The following WDPCP variants were observed in gnomAD, a reference collection of about 807,000 sequenced individuals.
The protein encoded by WDPCP is WD repeat containing planar cell polarity effector.
Under a neutral mutation model 93.1 loss-of-function variants are expected in WDPCP, and 71 were observed. That is an observed-to-expected ratio of 0.76 (90% CI 0.63 to 0.93). The LOEUF (loss-of-function observed/expected upper bound fraction) is 0.93. Among genes scored for constraint, WDPCP ranks in the 40% least tolerant of loss-of-function variants. WDPCP has a pLI of 0.00. For synonymous variants in WDPCP, 315 were observed against 315.0 expected (o/e 1.00, Z 0.00); for missense variants, 844 against 887.4 (o/e 0.95, Z 0.62).
chr2:63,710,507 C>G (rs779205294), intron 2 of WDPCP, among the ~76,000 whole-genome samples: 8 of 152,214 alleles, frequency 5.3e-5, no homozygotes, highest in Non-Finnish European at 1.0e-4. Flanking sequence ...CTCTCAATTG[C>G]ACACATAGAG....
intron 1 of WDPCP, among the ~76,000 whole-genome samples, chr2:63,530,702 T>C (rs909977685): frequency 6.6e-6 from 1 of 152,134 alleles, no homozygotes; most frequent in African/African-American, 2.4e-5. Flanking sequence ...AAATTGTTGG[T>C]TTGAAAATAT....
chr2:63,698,554 G>T (rs1342927220), intron 2 of WDPCP, among the ~76,000 whole-genome samples: 1 of 152,170 alleles, frequency 6.6e-6, no homozygotes, highest in Non-Finnish European at 1.5e-5. Context: ...GAGGCTGGAG[G>T]GGATGCCTAT....
chr2:63,454,363 G>A (rs1698483502), intron 6 of WDPCP, among the ~76,000 whole-genome samples: 1 of 151,634 alleles, frequency 6.6e-6, no homozygotes, highest in African/African-American at 2.4e-5. Flanking sequence ...GGGGGTGGGG[G>A]ACTGAGGGAG....
intron 13 of WDPCP, among the ~76,000 whole-genome samples, chr2:63,304,642 C>A (rs1685581797): frequency 6.6e-6 from 1 of 152,118 alleles, no homozygotes; most frequent in African/African-American, 2.4e-5. Context: ...ACCACCAGGG[C>A]CCTGGGTTTC....
chr2:63,269,208 T>C (rs1682420575), intron 13 of WDPCP, among the ~76,000 whole-genome samples: 1 of 152,216 alleles, frequency 6.6e-6, no homozygotes, highest in South Asian at 2.1e-4. Context: ...ATAAAAGTGT[T>C]ACTAACTTGG....
chr2:63,292,884 T>G (rs1559290364), intron 13 of WDPCP, among the ~76,000 whole-genome samples: 3 of 152,226 alleles, frequency 2.0e-5, no homozygotes, highest in African/African-American at 7.2e-5. Context: ...CAGTTAATTT[T>G]CAATTTCAGC....
intron 2 of WDPCP, among the ~76,000 whole-genome samples, chr2:63,801,518 G>A (rs748886522): frequency 2.0e-5 from 3 of 152,140 alleles, no homozygotes; most frequent in Non-Finnish European, 2.9e-5. Context: ...TGTTGGCTGG[G>A]GTGGCCAGCT....
intron 2 of WDPCP, among the ~76,000 whole-genome samples, chr2:63,806,547 C>G (rs1020523621): frequency 6.6e-6 from 1 of 152,126 alleles, no homozygotes; most frequent in Non-Finnish European, 1.5e-5. Context: ...TGAGATCAAC[C>G]GGTCTGACCA....
intron 1 of WDPCP, among the ~76,000 whole-genome samples, chr2:63,825,424 A>G (rs2104147895): frequency 6.6e-6 from 1 of 152,196 alleles, no homozygotes; most frequent in South Asian, 2.1e-4. Context: ...TTCAAGCTTC[A>G]TAGGATAATA....
At chr2:63,805,381 A>G (rs535975208) in intron 2 of WDPCP, among the ~76,000 whole-genome samples, 1 of 152,306 alleles carries the variant, frequency 6.6e-6, no homozygotes, top group East Asian at 1.9e-4. Context: ...TAGGGCTGAG[A>G]GCTAAATGAG....
chr2:63,395,571 C>T (rs994794552), intron 10 of WDPCP, among the ~76,000 whole-genome samples: 1 of 152,084 alleles, frequency 6.6e-6, no homozygotes, highest in Non-Finnish European at 1.5e-5. Flanking sequence ...CAAATATAAT[C>T]TATAATAATG....
rs538774760 is a variant in WDPCP at position 63,216,012 on chromosome 2, A to G, written c.1916-41180T>C. On this transcript the variant is annotated intron_variant, in intron 14 of 17. Coordinates refer to ENST00000272321, the MANE Select transcript of WDPCP (RefSeq NM_015910.7). ...CAAATCAAAACCACAATGAGATACCATCTCACACCAGTTAGAATGGCGATC... is the reference window on the plus strand; with the variant it reads ...CAAATCAAAACCACAATGAGATACCGTCTCACACCAGTTAGAATGGCGATC... Among the ~76,000 whole-genome samples the G allele has an allele frequency of 2.6e-3, 402 of 152,356 alleles. 2 individuals carry two copies. The highest frequency in any genetic ancestry group is 4.1e-3 in the Non-Finnish European group (279 of 68,036).
At chr2:63,510,605 T>G (rs953275115) in intron 1 of WDPCP, among the ~76,000 whole-genome samples, 1 of 152,098 alleles carries the variant, frequency 6.6e-6, no homozygotes, top group Non-Finnish European at 1.5e-5. Context: ...AAGAAAGAAA[T>G]AAAGCGTATT....
intron 12 of WDPCP, among the ~76,000 whole-genome samples, chr2:63,339,741 G>A (rs557284160): frequency 6.6e-6 from 1 of 152,126 alleles, no homozygotes; most frequent in South Asian, 2.1e-4. Context: ...GAATAAAAGT[G>A]GTGAAAAGTG....
intron 2 of WDPCP, among the ~76,000 whole-genome samples, chr2:63,747,272 CAT>C (rs1320615521): frequency 5.9e-5 from 9 of 152,126 alleles, no homozygotes; most frequent in Non-Finnish European, 1.2e-4. Context: ...TGATCTGAAA[CAT>C]ATCTAAAATT....
At chr2:63,622,066 C>G in intron 3 of WDPCP, 5 of 528,472 alleles carry the variant, frequency 9.5e-6, no homozygotes, top group Non-Finnish European at 1.1e-5. Context: ...TTTCTTTTTT[C>G]TTTTTTTTTT....
At chr2:63,673,541 G>A (rs1710371225) in intron 2 of WDPCP, among the ~76,000 whole-genome samples, 1 of 152,076 alleles carries the variant, frequency 6.6e-6, no homozygotes, top group South Asian at 2.1e-4. Context: ...TCTCCACTGT[G>A]CCACCAGTCA....
At chr2:63,808,528 G>C (rs1670806559) in intron 2 of WDPCP, among the ~76,000 whole-genome samples, 1 of 152,208 alleles carries the variant, frequency 6.6e-6, no homozygotes, top group Non-Finnish European at 1.5e-5. Flanking sequence ...TTTTTTGGTG[G>C]AGACGGGGTT....
intron 14 of WDPCP, among the ~76,000 whole-genome samples, chr2:63,209,309 C>G (rs1445306534): frequency 2.6e-5 from 4 of 152,214 alleles, no homozygotes; most frequent in African/African-American, 7.2e-5. Context: ...TGAGGTTTCA[C>G]TGGACAGTAG....
Sources: allele counts gnomAD v4.1 joint callset (sites outside exome capture counted in the v4.1 genomes callset), GRCh38; gene constraint gnomAD v4.1.1; transcripts MANE v1.5; gene names NCBI Gene and HGNC (gene_info 2026-07-23, HGNC 2026-07-21).